The following ATF7IP2 variants were observed in gnomAD, a reference collection of about 807,000 sequenced individuals.
ATF7IP2 encodes activating transcription factor 7-interacting protein 2.
In ATF7IP2, 42 loss-of-function variants were observed where a neutral mutation model predicts 64.2. The observed-to-expected ratio is 0.65, with a 90% confidence interval of 0.51 to 0.85. ATF7IP2 has a LOEUF of 0.85. Among genes scored for constraint, ATF7IP2 ranks in the 40% least tolerant of loss-of-function variants. The probability of loss-of-function intolerance (pLI) is 0.00; values close to 1 mark genes in which losing one functional copy is unlikely to be tolerated. For missense variants in ATF7IP2, 933 were observed against 784.2 expected (o/e 1.19, Z -2.27); for synonymous variants, 308 against 272.8 (o/e 1.13, Z -1.27).
At chr16:10,471,385 G>A (rs1299508453) in intron 9 of ATF7IP2, among the ~76,000 whole-genome samples, 6 of 152,076 alleles carry the variant, frequency 3.9e-5, no homozygotes, top group Non-Finnish European at 7.4e-5. Context: ...AAAATTAGCC[G>A]GGCATGGTGG....
intron 1 of ATF7IP2, among the ~76,000 whole-genome samples, chr16:10,398,452 A>G (rs1053070794): frequency 1.6e-4 from 24 of 152,216 alleles, no homozygotes; most frequent in African/African-American, 5.8e-4. Flanking sequence ...TGATCCAGGA[A>G]TCTTATTGGA....
intron 1 of ATF7IP2, among the ~76,000 whole-genome samples, chr16:10,412,703 G>T (rs968886102): frequency 8.5e-5 from 13 of 152,090 alleles, no homozygotes; most frequent in Admixed American, 8.5e-4. Flanking sequence ...TTGTTTCAGG[G>T]TATAGTTTAA....
At chr16:10,409,106 C>T (rs72779770) in intron 1 of ATF7IP2, among the ~76,000 whole-genome samples, 1,939 of 152,224 alleles carry the variant, frequency 0.013, 28 homozygotes, top group Middle Eastern at 0.027. Context: ...GTGTCAATCT[C>T]CCATGGGCGG....
At chr16:10,424,647 C>T (rs750086841) in intron 3 of ATF7IP2, among the ~76,000 whole-genome samples, 16 of 152,082 alleles carry the variant, frequency 1.1e-4, no homozygotes, top group Admixed American at 3.3e-4. Context: ...GTAATAAAAA[C>T]GCAAATAACA....
chr16:10,448,725 T>C (rs2048891071), intron 8 of ATF7IP2: 1 of 152,224 alleles, frequency 6.6e-6, no homozygotes, highest in Non-Finnish European at 1.5e-5. Flanking sequence ...TAGATATTTC[T>C]AAATCTAAAA....
chr16:10,410,731 G>C (rs927340806), intron 1 of ATF7IP2, among the ~76,000 whole-genome samples: 26 of 152,146 alleles, frequency 1.7e-4, no homozygotes, highest in Non-Finnish European at 3.2e-4. Context: ...GCCTATGTTG[G>C]CAATTCTTTA....
chr16:10,460,556 G>A (rs1466369848), intron 9 of ATF7IP2, among the ~76,000 whole-genome samples: 11 of 152,138 alleles, frequency 7.2e-5, no homozygotes, highest in African/African-American at 2.7e-4. Context: ...ACCCATGTAT[G>A]TATGTATATG....
In ATF7IP2 at chr16:10,445,551, C is replaced by G. The variant is rs1234368309; in HGVS notation, c.1194+5089C>G. 2.0e-5 allele frequency: 3 copies of G among 152,182 alleles called. No individual in the cohort carries two copies. The East Asian group carries it at 5.8e-4, about 29-fold the overall frequency. 9.4% of individuals were successfully genotyped at this position (152,182 alleles called of 1,614,324 possible). A position where few individuals can be genotyped will look rare whatever the true frequency, so the allele number is the denominator to read the frequency against. On this transcript the variant is annotated intron_variant, in intron 8 of 13. Coordinates refer to ENST00000562102, the MANE Select transcript of ATF7IP2 (RefSeq NM_001393719.1). Reference sequence around the variant, plus strand: ...CAGGGCTTTACTCTTGTTGCCCAGGCTGGAGTGCAATGGTGTGATCTTGGC... The same window carrying G: ...CAGGGCTTTACTCTTGTTGCCCAGGGTGGAGTGCAATGGTGTGATCTTGGC...
At chr16:10,400,465 A>G (rs987962484) in intron 1 of ATF7IP2, among the ~76,000 whole-genome samples, 3 of 152,164 alleles carry the variant, frequency 2.0e-5, no homozygotes, top group African/African-American at 4.8e-5. Context: ...CTGATATCCT[A>G]TTTCCCTTTT....
intron 9 of ATF7IP2, among the ~76,000 whole-genome samples, chr16:10,466,775 C>T (rs1195626551): frequency 6.6e-6 from 1 of 152,016 alleles, no homozygotes; most frequent in Non-Finnish European, 1.5e-5. Flanking sequence ...ACTGACTGTA[C>T]TTAATTTCAG....
chr16:10,410,341 TGTTTTGTTTTGTTTTG>T (rs2047731552), intron 1 of ATF7IP2, among the ~76,000 whole-genome samples: 1 of 70,532 alleles, frequency 1.4e-5, no homozygotes, highest in African/African-American at 4.6e-5. Context: ...TGTTTTGTTT[TGTTTTGTTTTGTTTTG>T]TTTTTGTTTT....
At position 10,482,378 on chromosome 16, in the gene ATF7IP2, CTA is replaced by C; in HGVS notation, c.*133_*134del. On this transcript the variant is annotated 3_prime_UTR_variant, in exon 14 of 14. Coordinates refer to ENST00000562102, the MANE Select transcript of ATF7IP2 (RefSeq NM_001393719.1). ...CCCTTTCTATTGGGACAGTCCTCTT[CTA>C]TATGTTTTAAGTGGCCAGTAATTTA... is the stretch of plus-strand genomic sequence containing the variant. The C allele has an allele frequency of 1.5e-6, 1 of 663,526 alleles. No homozygotes were observed. Among genetic ancestry groups the C allele is most frequent in the Non-Finnish European group, 2.5e-6 (1 of 402,934 alleles). The allele number at this position is 663,526 out of a possible 1,614,324, so 41.1% of individuals were successfully genotyped here. A position where few individuals can be genotyped will look rare whatever the true frequency, so the allele number is the denominator to read the frequency against.
intron 9 of ATF7IP2, among the ~76,000 whole-genome samples, chr16:10,461,850 A>T (rs1200863883): frequency 6.6e-6 from 1 of 152,166 alleles, no homozygotes; most frequent in Non-Finnish European, 1.5e-5. Context: ...ATATATTTTA[A>T]TATAATCTGA....
In ATF7IP2 at chr16:10,437,724, T is replaced by G. The variant is rs565209739; in HGVS notation, c.961-377T>G. ...TTTTCATCAGGTGCTGGTTTTCAGA[T>G]AAGTAGAGTTCCTTTATATGGAATA... On this transcript the variant is annotated intron_variant, in intron 6 of 13. Coordinates refer to ENST00000562102, the MANE Select transcript of ATF7IP2 (RefSeq NM_001393719.1). Among the ~76,000 whole-genome samples the G allele has an allele frequency of 2.0e-5, 3 of 152,306 alleles. No homozygotes were observed. In the East Asian group the frequency reaches 5.8e-4, roughly 29 times the overall value.
At chr16:10,398,448 AG>A (rs1302139650) in intron 1 of ATF7IP2, among the ~76,000 whole-genome samples, 2 of 152,244 alleles carry the variant, frequency 1.3e-5, no homozygotes, top group African/African-American at 4.8e-5. Context: ...CCTATGATCC[AG>A]GAATCTTATT....
chr16:10,425,220 G>C (rs1265519974), intron 3 of ATF7IP2, among the ~76,000 whole-genome samples: 3 of 147,402 alleles, frequency 2.0e-5, no homozygotes, highest in African/African-American at 7.6e-5. Context: ...CACCATGCCT[G>C]GCTAGTTTTT....
chr16:10,472,206 A>G, intron 10 of ATF7IP2, 23 bp downstream of exon 10: 1 of 1,304,426 alleles, frequency 7.7e-7, no homozygotes, highest in Non-Finnish European at 1.1e-6. Context: ...TGATTAGAAT[A>G]TGATCTATCA....
Position 10,441,407 on chromosome 16 carries a change from C to T in ATF7IP2, c.1194+945C>T, listed in dbSNP as rs560020513. On this transcript the variant is annotated intron_variant, in intron 8 of 13. Coordinates refer to ENST00000562102, the MANE Select transcript of ATF7IP2 (RefSeq NM_001393719.1). ...CATTCCTATTTCTGCACATCCTCTC[C>T]AGCATCTGTTGTTTCCTGACTTTTT... Among the ~76,000 whole-genome samples the T allele has an allele frequency of 1.3e-4, 20 of 152,296 alleles. 1 individual carries two copies. In the South Asian group the frequency reaches 3.9e-3, roughly 30 times the overall value.
chr16:10,437,173 A>G (rs1355959080), intron 6 of ATF7IP2, among the ~76,000 whole-genome samples: 1 of 151,974 alleles, frequency 6.6e-6, no homozygotes, highest in Non-Finnish European at 1.5e-5. Flanking sequence ...GTTGCCTGCC[A>G]CCATGCCTGG....
Sources: allele counts gnomAD v4.1 joint callset (sites outside exome capture counted in the v4.1 genomes callset), GRCh38; gene constraint gnomAD v4.1.1; transcripts MANE v1.5; gene names NCBI Gene and HGNC (gene_info 2026-07-23, HGNC 2026-07-21).